The following TARS3 variants were observed in gnomAD, a reference collection of about 807,000 sequenced individuals.
TARS3 encodes threonine--tRNA ligase 2, cytoplasmic.
In TARS3, 94 loss-of-function variants were observed where a neutral mutation model predicts 103.5. That is an observed-to-expected ratio of 0.91 (90% CI 0.77 to 1.08). The LOEUF is 1.08. Among genes scored for constraint, TARS3 ranks in the 50% least tolerant of loss-of-function variants. The pLI, the probability that TARS3 is intolerant of heterozygous loss-of-function variation, is 0.00. For synonymous variants in TARS3, 416 were observed against 355.4 expected (o/e 1.17, Z -1.92); for missense variants, 952 against 995.2 (o/e 0.96, Z 0.58).
At chr15:101,655,211 C>T (rs1897154580) in intron 18 of TARS3, among the ~76,000 whole-genome samples, 1 of 145,858 alleles carries the variant, frequency 6.9e-6, no homozygotes, top group Non-Finnish European at 1.5e-5. Context: ...GGAGCTCTTA[C>T]AGGCTCACAC....
intron 10 of TARS3, among the ~76,000 whole-genome samples, chr15:101,691,058 C>T (rs1898694862): frequency 6.6e-6 from 1 of 151,978 alleles, no homozygotes; most frequent in Admixed American, 6.6e-5. Flanking sequence ...CCTGCCTCAG[C>T]CTCCCGAGTA....
chr15:101,701,625 C>G lies in TARS3; in HGVS notation c.1222-441G>C, dbSNP rs1038089431. Among the ~76,000 whole-genome samples the G allele has an allele frequency of 1.3e-5, 2 of 152,190 alleles. 1 individual carries two copies. Among genetic ancestry groups the G allele is most frequent in the Admixed American group, 1.3e-4 (2 of 15,274 alleles). On this transcript the variant is annotated intron_variant, in intron 9 of 18. Coordinates refer to ENST00000335968, the MANE Select transcript of TARS3 (RefSeq NM_152334.3). ...CTACCCAGCAAGGAAGACAAGGACACGGAGCTTGCCCATCATCTAACACAA... is the reference window on the plus strand; with the variant it reads ...CTACCCAGCAAGGAAGACAAGGACAGGGAGCTTGCCCATCATCTAACACAA...
intron 12 of TARS3, among the ~76,000 whole-genome samples, chr15:101,677,738 TCCACCCACC>T (rs1378199782): frequency 1.3e-5 from 2 of 151,974 alleles, no homozygotes; most frequent in Non-Finnish European, 2.9e-5. Context: ...CCTCAGGTGA[TCCACCCACC>T]TCAGCCTCCC....
intron 6 of TARS3, 57 bp downstream of exon 6, chr15:101,708,736 A>C: frequency 1.8e-6 from 2 of 1,123,922 alleles, no homozygotes; most frequent in South Asian, 1.2e-5. Flanking sequence ...TGGGGAAGCT[A>C]GTCTATATTG....
At chr15:101,663,120 C>A (rs1897444876) in intron 15 of TARS3, among the ~76,000 whole-genome samples, 1 of 152,092 alleles carries the variant, frequency 6.6e-6, no homozygotes, top group Admixed American at 6.6e-5. Context: ...CATGTGTTGC[C>A]TAATGACATT....
intron 7 of TARS3, among the ~76,000 whole-genome samples, chr15:101,705,264 G>A (rs1302681060): frequency 6.6e-6 from 1 of 152,152 alleles, no homozygotes; most frequent in African/African-American, 2.4e-5. Context: ...CATGAAGACT[G>A]TACACTTGGA....
At chr15:101,704,424 G>C (rs1899438711) in intron 7 of TARS3, among the ~76,000 whole-genome samples, 1 of 152,154 alleles carries the variant, frequency 6.6e-6, no homozygotes, top group Non-Finnish European at 1.5e-5. Flanking sequence ...GGAGGCCGAG[G>C]CGGGTGGATC....
At chr15:101,716,950 G>A (rs150137340) in intron 3 of TARS3, among the ~76,000 whole-genome samples, 12 of 148,714 alleles carry the variant, frequency 8.1e-5, no homozygotes, top group Non-Finnish European at 1.3e-4. Context: ...TCTACCTTCC[G>A]GGTTCAAGTG....
At chr15:101,667,675 A>G (rs1163432831) in intron 15 of TARS3, among the ~76,000 whole-genome samples, 1 of 151,882 alleles carries the variant, frequency 6.6e-6, no homozygotes, top group Non-Finnish European at 1.5e-5. Flanking sequence ...GATTCACATG[A>G]TTCTCCTGCC....
At chr15:101,686,297 T>C (rs185872286) in intron 10 of TARS3, among the ~76,000 whole-genome samples, 1 of 152,142 alleles carries the variant, frequency 6.6e-6, no homozygotes, top group Non-Finnish European at 1.5e-5. Flanking sequence ...GTATATAGTA[T>C]ATAATGTTTT....
At chr15:101,721,952 G>A (rs1900487313) in intron 2 of TARS3, among the ~76,000 whole-genome samples, 1 of 152,176 alleles carries the variant, frequency 6.6e-6, no homozygotes, top group Non-Finnish European at 1.5e-5. Context: ...TATGTTAGAG[G>A]ATTTTGCCCA....
At chr15:101,672,159 T>A (rs1242040572) in intron 13 of TARS3, among the ~76,000 whole-genome samples, 1 of 152,070 alleles carries the variant, frequency 6.6e-6, no homozygotes, top group East Asian at 1.9e-4. Flanking sequence ...TGAGTCTGGG[T>A]GGGTAAGAAG....
intron 6 of TARS3, 101 bp from the exon 7 acceptor site, chr15:101,705,848 G>T: frequency 1.0e-6 from 1 of 985,672 alleles, no homozygotes; most frequent in Non-Finnish European, 1.5e-6. Flanking sequence ...ATCTACTGAT[G>T]TTCTAGGTGC....
At chr15:101,703,821 C>T in intron 8 of TARS3, 38 bp downstream of exon 8, 1 of 1,340,412 alleles carries the variant, frequency 7.5e-7, no homozygotes, top group Non-Finnish European at 1.1e-6. Flanking sequence ...AGCTAGTGCA[C>T]CTTAAGTTTA....
chr15:101,667,716 AC>A (rs1897636210), intron 15 of TARS3, among the ~76,000 whole-genome samples: 7 of 152,100 alleles, frequency 4.6e-5, no homozygotes, highest in Admixed American at 4.6e-4. Context: ...GATTACAGGC[AC>A]CCACCACCAC....
chr15:101,660,294 GTT>G (rs1394780718), intron 16 of TARS3, among the ~76,000 whole-genome samples: 1 of 152,212 alleles, frequency 6.6e-6, no homozygotes, highest in Non-Finnish European at 1.5e-5. Context: ...TTCACAGGTG[GTT>G]GCTGGTTTGC....
Position 101,701,078 on chromosome 15 carries a change from T to C in TARS3, c.1320+8A>G. ...GAATAAGAATAAAACATTTTAAAGT[T>C]AACTTACTCGTATGAAATCTGTAAG... On this transcript the variant is annotated splice_region_variant and intron_variant, in intron 10 of 18. Coordinates refer to ENST00000335968, the MANE Select transcript of TARS3 (RefSeq NM_152334.3). 6.7e-7 allele frequency: 1 copy of C among 1,502,508 alleles called. No individual in the cohort carries two copies. The highest frequency in any genetic ancestry group is 1.3e-5 in the South Asian group (1 of 76,314). 93.1% of individuals were successfully genotyped at this position (1,502,508 alleles called of 1,614,324 possible).
At chr15:101,684,467 T>A (rs184301281) in intron 11 of TARS3, among the ~76,000 whole-genome samples, 26 of 152,316 alleles carry the variant, frequency 1.7e-4, no homozygotes, top group Non-Finnish European at 3.7e-4. Context: ...AGAAATGCTG[T>A]TCCCTCCCCT....
chr15:101,710,231 T>G (rs1309926439), intron 5 of TARS3, among the ~76,000 whole-genome samples: 1 of 152,166 alleles, frequency 6.6e-6, no homozygotes, highest in East Asian at 1.9e-4. Flanking sequence ...ATCTCTGTGG[T>G]CCCTCCCACA....
Sources: allele counts gnomAD v4.1 joint callset (sites outside exome capture counted in the v4.1 genomes callset), GRCh38; gene constraint gnomAD v4.1.1; transcripts MANE v1.5; gene names NCBI Gene and HGNC (gene_info 2026-07-23, HGNC 2026-07-21).